The following TGIF1 variants were observed in gnomAD, a reference collection of about 807,000 sequenced individuals.
TGIF1 encodes homeobox protein TGIF1.
In TGIF1, 4 loss-of-function variants were observed where a neutral mutation model predicts 19.3. The observed-to-expected ratio is 0.21, with a 90% CI of 0.10 to 0.47. TGIF1 has a LOEUF of 0.47. Ranked by LOEUF, TGIF1 falls within the 20% of genes least tolerant of loss-of-function variation. TGIF1 has a pLI of 0.98. For synonymous variants in TGIF1, 122 were observed against 129.3 expected, an observed-to-expected ratio of 0.94 and a Z score of 0.38; for missense variants, 275 against 341.4, an observed-to-expected ratio of 0.81 and a Z score of 1.53.
intron 2 of TGIF1, among the ~76,000 whole-genome samples, chr18:3,431,387 G>A (rs954096726): frequency 2.0e-5 from 3 of 152,134 alleles, no homozygotes; most frequent in Non-Finnish European, 4.4e-5. Flanking sequence ...AGTGAGCAGA[G>A]ATTGTGCCAT....
chr18:3,447,577 C>G (rs2082764868), upstream of TGIF1: 4 of 811,346 alleles, frequency 4.9e-6, no homozygotes, highest in Admixed American at 7.9e-5. Context: ...CAGAATGCAC[C>G]AAGAATCCGA....
chr18:3,456,281 CAGCGTTAAGTG>C lies in TGIF1; in HGVS notation c.17-69_17-59del. The C allele has an allele frequency of 2.2e-6, 3 of 1,357,068 alleles. No individual in the cohort carries two copies. Among genetic ancestry groups the C allele is most frequent in the Non-Finnish European group, 3.2e-6 (3 of 947,600 alleles). 84.1% of individuals were successfully genotyped at this position (1,357,068 alleles called of 1,614,324 possible). On this transcript the variant is annotated intron_variant, in intron 1 of 2. Coordinates refer to ENST00000343820, the MANE Select transcript of TGIF1 (RefSeq NM_003244.4). The surrounding 1 kb of genome is among the most constrained non-coding windows in gnomAD (Gnocchi z 4.2). Reference sequence around the variant, plus strand: ...GGAAAGCATGGTTACATTGAATGGTCAGCGTTAAGTGAGCTTTGCAATAGTTGCTGTGCTTA... The same window carrying C: ...GGAAAGCATGGTTACATTGAATGGTCAGCTTTGCAATAGTTGCTGTGCTTA...
At chr18:3,439,569 C>T (rs544953586) in intron 2 of TGIF1, among the ~76,000 whole-genome samples, 13 of 151,980 alleles carry the variant, frequency 8.6e-5, no homozygotes, top group Non-Finnish European at 1.5e-4. Context: ...CCTTGAACTC[C>T]CAACCTCAGG....
chr18:3,457,336 A>G lies in TGIF1; in HGVS notation c.244-29A>G, dbSNP rs368209702. On this transcript the variant is annotated intron_variant, in intron 2 of 2. Transcript: ENST00000343820. The surrounding 1 kb of genome is among the most constrained non-coding windows in gnomAD (Gnocchi z 4.9). ...ACCCGTTGGCTGAGTGAATGAGGAA[A>G]ATGTTAAAGCGTACCGATATGATTT... 1.9e-6 allele frequency: 3 copies of G among 1,613,038 alleles called. No individual in the cohort carries two copies. Among genetic ancestry groups the G allele is most frequent in the East Asian group, 2.2e-5 (1 of 44,878 alleles).
intron 2 of TGIF1, among the ~76,000 whole-genome samples, chr18:3,429,426 C>T (rs1310530812): frequency 6.6e-6 from 1 of 151,450 alleles, no homozygotes; most frequent in African/African-American, 2.4e-5. Flanking sequence ...GTTATTTTCT[C>T]AACTATGAGT....
intron 2 of TGIF1, among the ~76,000 whole-genome samples, chr18:3,424,768 C>T (rs1241767583): frequency 2.0e-5 from 3 of 152,160 alleles, no homozygotes; most frequent in Admixed American, 2.0e-4. Flanking sequence ...ATAAAACCCC[C>T]AAAGGATAGA....
intron 2 of TGIF1, among the ~76,000 whole-genome samples, chr18:3,421,160 TCTA>T (rs1461121701): frequency 1.3e-5 from 2 of 151,710 alleles, no homozygotes; most frequent in African/African-American, 4.8e-5. Flanking sequence ...TGTAAACAAA[TCTA>T]CTGTATTTGA....
At chr18:3,440,326 T>TG in intron 2 of TGIF1, among the ~76,000 whole-genome samples, 1 of 151,126 alleles carries the variant, frequency 6.6e-6, no homozygotes, top group South Asian at 2.1e-4. Context: ...CACTCCAACC[T>TG]GGGTGACAGA....
In TGIF1 at chr18:3,456,246, T is replaced by G; in HGVS notation, c.17-108T>G. ...AAAACACTGCTCCTTCTCCTCGCTC[T>G]CAGTTGTTGGGAAAGCATGGTTACA... On this transcript the variant is annotated intron_variant, in intron 1 of 2. Coordinates refer to ENST00000343820, the MANE Select transcript of TGIF1 (RefSeq NM_003244.4). This position sits in a 1 kb window ranked among gnomAD's most constrained non-coding sequence, Gnocchi z 4.2. 1 of 1,083,582 alleles carries G rather than the reference T, an allele frequency of 9.2e-7. No individual in the cohort carries two copies. Among genetic ancestry groups the G allele is most frequent in the Non-Finnish European group, 1.4e-6 (1 of 700,332 alleles). The allele number at this position is 1,083,582 out of a possible 1,614,324, so 67.1% of individuals were successfully genotyped here.
Position 3,456,902 on chromosome 18 carries a change from T to A in TGIF1, c.243+322T>A, listed in dbSNP as rs537615787. ...TTAAACAAGGACGACTTCAGTGAGG[T>A]AATTCATGTTATGTCTGTTGACACA... On this transcript the variant is annotated intron_variant, in intron 2 of 2. Transcript: ENST00000343820. The surrounding 1 kb of genome is among the most constrained non-coding windows in gnomAD (Gnocchi z 4.2). The A allele has an allele frequency of 8.3e-6, 5 of 600,026 alleles. No individual in the cohort carries two copies. In the South Asian group the frequency reaches 1.0e-4, roughly 12 times the overall value. 37.2% of individuals were successfully genotyped at this position (600,026 alleles called of 1,614,324 possible).
At chr18:3,421,114 A>G (rs1369479722) in intron 2 of TGIF1, among the ~76,000 whole-genome samples, 1 of 152,068 alleles carries the variant, frequency 6.6e-6, no homozygotes, top group East Asian at 1.9e-4. Flanking sequence ...GTGGTGCAAC[A>G]CATTATTCAC....
chr18:3,418,207 A>G (rs749606005), exon 2 of TGIF1: 1 of 152,188 alleles, frequency 6.6e-6, no homozygotes, highest in African/African-American at 2.4e-5. Context: ...GCCCAAGGGA[A>G]AGTCCAAGGT....
intron 2 of TGIF1, among the ~76,000 whole-genome samples, chr18:3,423,621 T>G (rs1047724646): frequency 2.6e-5 from 4 of 151,886 alleles, no homozygotes; most frequent in African/African-American, 9.7e-5. Flanking sequence ...AGGCGGAGCT[T>G]GCAGTGAGCA....
intron 2 of TGIF1, among the ~76,000 whole-genome samples, chr18:3,436,192 A>T (rs531328855): frequency 1.3e-5 from 2 of 152,356 alleles, no homozygotes; most frequent in South Asian, 4.1e-4. Flanking sequence ...GTCAAGTGAG[A>T]ATATCACTAT....
At chr18:3,416,001 A>G (rs1334175787) in intron 1 of TGIF1, among the ~76,000 whole-genome samples, 3 of 152,370 alleles carry the variant, frequency 2.0e-5, no homozygotes, top group Middle Eastern at 3.4e-3. Flanking sequence ...TCAAAGAACA[A>G]TAACAATATA....
Position 3,457,305 on chromosome 18 carries a change from C to G in TGIF1, c.244-60C>G. 1 of 1,566,384 alleles carries G rather than the reference C, an allele frequency of 6.4e-7. No individual in the cohort carries two copies. Among genetic ancestry groups the G allele is most frequent in the Non-Finnish European group, 8.8e-7 (1 of 1,142,380 alleles). On this transcript the variant is annotated intron_variant, in intron 2 of 2. Coordinates refer to ENST00000343820, the MANE Select transcript of TGIF1 (RefSeq NM_003244.4). This position sits in a 1 kb window ranked among gnomAD's most constrained non-coding sequence, Gnocchi z 4.9. ...TCAATTAGGTACCCCATAGAACATTCTCAGAACCCGTTGGCTGAGTGAATG... is the reference window on the plus strand; with the variant it reads ...TCAATTAGGTACCCCATAGAACATTGTCAGAACCCGTTGGCTGAGTGAATG...
chr18:3,452,111 G>C, intron 1 of TGIF1: 2 of 1,613,798 alleles, frequency 1.2e-6, no homozygotes, highest in East Asian at 4.5e-5. Flanking sequence ...CCTTTTCCAC[G>C]GCTTTTCTGG....
chr18:3,452,733 G>C (rs2143354944), intron 1 of TGIF1, among the ~76,000 whole-genome samples: 1 of 152,244 alleles, frequency 6.6e-6, no homozygotes, highest in South Asian at 2.1e-4. Context: ...CTTCCCCGTC[G>C]GCTCTGGAAA....
At chr18:3,441,994 C>T (rs2082682009) in intron 2 of TGIF1, among the ~76,000 whole-genome samples, 1 of 152,100 alleles carries the variant, frequency 6.6e-6, no homozygotes, top group African/African-American at 2.4e-5. Flanking sequence ...TGAACTGTGG[C>T]ATTGTTTCAT....
Sources: allele counts gnomAD v4.1 joint callset (sites outside exome capture counted in the v4.1 genomes callset), GRCh38; gene constraint gnomAD v4.1.1; non-coding constraint Gnocchi (gnomAD v3.1); transcripts MANE v1.5; gene names NCBI Gene and HGNC (gene_info 2026-07-23, HGNC 2026-07-21).